TRIM11: variants seen among roughly 807,000 people sequenced by gnomAD.
TRIM11 encodes the protein E3 ubiquitin-protein ligase TRIM11.
TRIM11 carries 15 observed loss-of-function variants against 33.4 expected under a neutral mutation model. The observed-to-expected ratio is 0.45, with a 90% CI of 0.30 to 0.69. The LOEUF is 0.69. Among genes scored for constraint, TRIM11 ranks in the 30% least tolerant of loss-of-function variants. The pLI, the probability that TRIM11 is intolerant of heterozygous loss-of-function variation, is 0.08. For missense variants in TRIM11, 499 were observed against 667.6 expected (o/e 0.75, Z 2.78); for synonymous variants, 281 against 302.6 (o/e 0.93, Z 0.74).
At position 228,397,162 on chromosome 1, in the gene TRIM11, T is replaced by G; in HGVS notation, c.739A>C (p.Ile247Leu). Residue 247 changes from isoleucine to leucine, a missense_variant, in exon 4 of 6, where the codon ATC (isoleucine) becomes CTC (leucine). By Grantham distance (5) the Ile-to-Leu change is conservative. Coordinates refer to ENST00000284551, the MANE Select transcript of TRIM11 (RefSeq NM_145214.3). ...TCGTACCTGCGCAGGGCGTCCTTGA[T>G]GTCCTATGTGGGGAGGAGAAACAGC... ...QLPALGLLQD[I>L]KDALRRVQDV... 11 of 1,613,264 alleles carry G rather than the reference T, an allele frequency of 6.8e-6. No individual in the cohort carries two copies. Among genetic ancestry groups the G allele is most frequent in the Non-Finnish European group, 9.3e-6 (11 of 1,179,568 alleles).
At chr1:228,397,210 G>C in intron 3 of TRIM11, 45 bp from the exon 4 acceptor site, 10 of 1,599,246 alleles carry the variant, frequency 6.3e-6, no homozygotes, top group Non-Finnish European at 8.5e-6. Flanking sequence ...AGTGACCATC[G>C]CTTGCTCCTG....
rs1445376072 is a variant in TRIM11, at chr1:228,406,550, G to A, written c.12C>T (p.Pro4=). The change falls in exon 1 of 6, where the codon CCC becomes CCT. Residue 4 remains proline, a synonymous_variant. Coordinates refer to ENST00000284551, the MANE Select transcript of TRIM11 (RefSeq NM_145214.3). This position sits in a 1 kb window ranked among gnomAD's most constrained non-coding sequence, Gnocchi z 8.2. ...CCTCCTGGAGGTTGGTGGACAGGTC[G>A]GGGGCGGCCATGGCGCGGACAGAGG... MAA[P]DLSTNLQEEA... is the part of the protein sequence containing the mutation. 2.0e-6 allele frequency: 3 copies of A among 1,537,392 alleles called. No homozygotes were observed. The highest frequency in any genetic ancestry group is 1.8e-6 in the Non-Finnish European group (2 of 1,138,954).
rs1362434675 is a variant in TRIM11, at chr1:228,394,215, T to C, written c.*490A>G. The C allele has an allele frequency of 6.4e-6, 1 of 157,396 alleles. No homozygotes were observed. The highest frequency in any genetic ancestry group is 1.4e-5 in the Non-Finnish European group (1 of 71,858). The allele number at this position is 157,396 out of a possible 1,614,324, so 9.7% of individuals were successfully genotyped here. ...CTTCCAGAGCAGCCACACCCAGGACTGTGACGGGCTCTCACCCACTGTGGG... is the reference window on the plus strand; with the variant it reads ...CTTCCAGAGCAGCCACACCCAGGACCGTGACGGGCTCTCACCCACTGTGGG... On this transcript the variant is annotated 3_prime_UTR_variant, in exon 6 of 6. Coordinates refer to ENST00000284551, the MANE Select transcript of TRIM11 (RefSeq NM_145214.3). The surrounding 1 kb of genome is among the most constrained non-coding windows in gnomAD (Gnocchi z 6.2).
intron 1 of TRIM11, chr1:228,404,346 T>C (rs1028783046): frequency 6.6e-6 from 1 of 152,320 alleles, no homozygotes; most frequent in Admixed American, 6.5e-5. Context: ...TCAGCTGTCA[T>C]GACCCCAGGT....
chr1:228,404,559 T>C (rs1656337674), intron 1 of TRIM11: 1 of 152,218 alleles, frequency 6.6e-6, no homozygotes, highest in Admixed American at 6.5e-5. Context: ...GTACAAGAAT[T>C]ATTCTGAGTA....
chr1:228,406,617 T>C lies in TRIM11; in HGVS notation c.-56A>G. ...GTCCGCGGGGCGGCGGCGGGCGGCC[T>C]CGGCAGCTCGCGGGGACGCGGGGTA... On this transcript the variant is annotated 5_prime_UTR_variant, in exon 1 of 6. Transcript: ENST00000284551. The surrounding 1 kb of genome is among the most constrained non-coding windows in gnomAD (Gnocchi z 8.2). 3.7e-6 allele frequency: 5 copies of C among 1,369,448 alleles called. No homozygotes were observed. The highest frequency in any genetic ancestry group is 4.7e-6 in the Non-Finnish European group (5 of 1,062,154). The allele number at this position is 1,369,448 out of a possible 1,614,324, so 84.8% of individuals were successfully genotyped here.
rs2074975634 is a variant in TRIM11, at chr1:228,395,389, C to T, written c.860-137G>A. Reference sequence around the variant, plus strand: ...TGCCCTGGGCCTGTAGCCTCACAACCTCCTGGAGTAACTAACTGTCTCCAA... The same window carrying T: ...TGCCCTGGGCCTGTAGCCTCACAACTTCCTGGAGTAACTAACTGTCTCCAA... On this transcript the variant is annotated intron_variant, in intron 5 of 5. Coordinates refer to ENST00000284551, the MANE Select transcript of TRIM11 (RefSeq NM_145214.3). This position sits in a 1 kb window ranked among gnomAD's most constrained non-coding sequence, Gnocchi z 4.8. 1 of 851,168 alleles carries T rather than the reference C, an allele frequency of 1.2e-6. No homozygotes were observed. Among genetic ancestry groups the T allele is most frequent in the East Asian group, 3.1e-5 (1 of 31,860 alleles). The allele number at this position is 851,168 out of a possible 1,614,324, so 52.7% of individuals were successfully genotyped here.
chr1:228,395,039 A>G lies in TRIM11; in HGVS notation c.1073T>C (p.Val358Ala). ...CTTCCTGTTCACGTTCTCCCTGCACACCCCCAGGGCCCAGCTGGTGCGGTC... is the reference window on the plus strand; with the variant it reads ...CTTCCTGTTCACGTTCTCCCTGCACGCCCCCAGGGCCCAGCTGGTGCGGTC... ...VGDRTSWALG[V>A]CRENVNRKEK... The change falls in exon 6 of 6, where the codon GTG (valine) becomes GCG (alanine). Residue 358 changes from valine (V) to alanine (A), a missense_variant. Physicochemically the swap from Val to Ala is moderately conservative, Grantham distance 64. Coordinates refer to ENST00000284551, the MANE Select transcript of TRIM11 (RefSeq NM_145214.3). This position sits in a 1 kb window ranked among gnomAD's most constrained non-coding sequence, Gnocchi z 4.8. The G allele has an allele frequency of 6.2e-7, 1 of 1,613,296 alleles. No individual in the cohort carries two copies.
intron 3 of TRIM11, among the ~76,000 whole-genome samples, chr1:228,398,322 GACA>G (rs1454078797): frequency 2.6e-5 from 4 of 152,112 alleles, no homozygotes; most frequent in Non-Finnish European, 5.9e-5. Flanking sequence ...TGTCTAGGGG[GACA>G]ACAACACACT....
At position 228,401,954 on chromosome 1, in the gene TRIM11, C is replaced by T; in HGVS notation, c.504+112G>A. On this transcript the variant is annotated intron_variant, in intron 2 of 5. Transcript: ENST00000284551. The surrounding 1 kb of genome is among the most constrained non-coding windows in gnomAD (Gnocchi z 6.1). ...GGGCCAGGCTGAAGCAGTGACTGGT[C>T]CTGGGGCGCCAAGGGCAAGTGTGCC... 1 of 766,224 alleles carries T rather than the reference C, an allele frequency of 1.3e-6. No homozygotes were observed. Among genetic ancestry groups the T allele is most frequent in the Non-Finnish European group, 2.0e-6 (1 of 501,610 alleles). The allele number at this position is 766,224 out of a possible 1,614,324, so 47.5% of individuals were successfully genotyped here.
rs1366496707 is a variant in TRIM11 at position 228,401,833 on chromosome 1, C to T, written c.504+233G>A. On this transcript the variant is annotated intron_variant, in intron 2 of 5. Coordinates refer to ENST00000284551, the MANE Select transcript of TRIM11 (RefSeq NM_145214.3). The surrounding 1 kb of genome is among the most constrained non-coding windows in gnomAD (Gnocchi z 6.1). ...GAGTTGCCACCCAAGCATGCTGGGACCCCAGGATGGGGCCCTTGCAGTATG... is the reference window on the plus strand; with the variant it reads ...GAGTTGCCACCCAAGCATGCTGGGATCCCAGGATGGGGCCCTTGCAGTATG... 6.6e-6 allele frequency among the ~76,000 whole-genome samples: 1 copy of T among 152,152 alleles called. No homozygotes were observed. The highest frequency in any genetic ancestry group is 1.9e-4 in the East Asian group (1 of 5,194).
rs1421473191 is a variant in TRIM11 at position 228,394,864 on chromosome 1, A to C, written c.1248T>G (p.Ser416=). 4 of 1,613,972 alleles carry C rather than the reference A, an allele frequency of 2.5e-6. No individual in the cohort carries two copies. In the African/African-American group the frequency reaches 5.3e-5, roughly 22 times the overall value. ...GTGACCCATCGGTGGCACTGTAGAAAGAGAGATGTCCAGCCTCGTAGTCCA... is the reference window on the plus strand; with the variant it reads ...GTGACCCATCGGTGGCACTGTAGAACGAGAGATGTCCAGCCTCGTAGTCCA... The part of the protein sequence containing the change: ...IFLDYEAGHL[S]FYSATDGSLL... Residue 416 remains serine, a synonymous_variant, in exon 6 of 6, where the codon TCT becomes TCG. Transcript: ENST00000284551. This position sits in a 1 kb window ranked among gnomAD's most constrained non-coding sequence, Gnocchi z 6.2.
In TRIM11 at chr1:228,406,051, G is replaced by A. The variant is rs1239985402; in HGVS notation, c.408+103C>T. On this transcript the variant is annotated intron_variant, in intron 1 of 5. Coordinates refer to ENST00000284551, the MANE Select transcript of TRIM11 (RefSeq NM_145214.3). The surrounding 1 kb of genome is among the most constrained non-coding windows in gnomAD (Gnocchi z 8.2). ...TCCTGAGCTCCCCGCCCTAGACAGA[G>A]ACAGATTACTCCCGGAGCAGTCCCC... The A allele has an allele frequency of 1.6e-6, 2 of 1,259,132 alleles. No homozygotes were observed. Among genetic ancestry groups the A allele is most frequent in the Non-Finnish European group, 1.0e-6 (1 of 983,772 alleles). 78.0% of individuals were successfully genotyped at this position (1,259,132 alleles called of 1,614,324 possible). A position where few individuals can be genotyped will look rare whatever the true frequency, so the allele number is the denominator to read the frequency against.
chr1:228,405,974 C>G (rs1356493331), intron 1 of TRIM11, 180 bp downstream of exon 1: 5 of 644,656 alleles, frequency 7.8e-6, no homozygotes. Context: ...TGTCATGAGC[C>G]CCCACAGCCA....
chr1:228,395,459 A>C lies in TRIM11; in HGVS notation c.860-207T>G. 1 of 429,274 alleles carries C rather than the reference A, an allele frequency of 2.3e-6. No individual in the cohort carries two copies. The allele number at this position is 429,274 out of a possible 1,614,324, so 26.6% of individuals were successfully genotyped here. On this transcript the variant is annotated intron_variant, in intron 5 of 5. Coordinates refer to ENST00000284551, the MANE Select transcript of TRIM11 (RefSeq NM_145214.3). This position sits in a 1 kb window ranked among gnomAD's most constrained non-coding sequence, Gnocchi z 4.8. Reference sequence around the variant, plus strand: ...TTAGCTACGTCCAGTTGCAACTTACAATGTCCTACAAATTGGTCCATGTTT... The same window carrying C: ...TTAGCTACGTCCAGTTGCAACTTACCATGTCCTACAAATTGGTCCATGTTT...
rs768762292 is a variant in TRIM11 at position 228,406,181 on chromosome 1, C to A, written c.381G>T (p.Pro127=). 9.1e-6 allele frequency: 13 copies of A among 1,426,772 alleles called. No individual in the cohort carries two copies. The highest frequency in any genetic ancestry group is 5.9e-5 in the East Asian group (2 of 34,030). The allele number at this position is 1,426,772 out of a possible 1,614,324, so 88.4% of individuals were successfully genotyped here. Residue 127 remains proline (P), a synonymous_variant, in exon 1 of 6, where the codon CCG becomes CCT. Coordinates refer to ENST00000284551, the MANE Select transcript of TRIM11 (RefSeq NM_145214.3). This position sits in a 1 kb window ranked among gnomAD's most constrained non-coding sequence, Gnocchi z 8.2. ...SGEHWAHRVR[P]LQDAAEDLKA... ...TGAGGTCTTCGGCCGCGTCCTGCAG[C>A]GGCCGCACGCGGTGCGCCCAGTGCT...
rs574676264 is a variant in TRIM11 at position 228,395,348 on chromosome 1, G to A, written c.860-96C>T. ...GCATGTAGGTACAATCCTCCCAGTCGGACGGCCTGGCTCTCTGCCCTGGGC... is the reference window on the plus strand; with the variant it reads ...GCATGTAGGTACAATCCTCCCAGTCAGACGGCCTGGCTCTCTGCCCTGGGC... On this transcript the variant is annotated intron_variant, in intron 5 of 5. Transcript: ENST00000284551. This position sits in a 1 kb window ranked among gnomAD's most constrained non-coding sequence, Gnocchi z 4.8. 2.7e-5 allele frequency: 35 copies of A among 1,311,260 alleles called. No individual in the cohort carries two copies. Among genetic ancestry groups the A allele is most frequent in the African/African-American group, 1.2e-4 (8 of 67,210 alleles). 81.2% of individuals were successfully genotyped at this position (1,311,260 alleles called of 1,614,324 possible).
At position 228,406,134 on chromosome 1, in the gene TRIM11, C is replaced by A; in HGVS notation, c.408+20G>T. ...CCCGGCTCCCCGACGCCCCTGCACG[C>A]CACCCCCGCCCAGGAGCACCTTGAG... On this transcript the variant is annotated intron_variant, in intron 1 of 5. Coordinates refer to ENST00000284551, the MANE Select transcript of TRIM11 (RefSeq NM_145214.3). This position sits in a 1 kb window ranked among gnomAD's most constrained non-coding sequence, Gnocchi z 8.2. 2 of 1,357,692 alleles carry A rather than the reference C, an allele frequency of 1.5e-6. No individual in the cohort carries two copies. The highest frequency in any genetic ancestry group is 1.8e-5 in the South Asian group (1 of 56,788). The allele number at this position is 1,357,692 out of a possible 1,614,324, so 84.1% of individuals were successfully genotyped here.
At position 228,394,511 on chromosome 1, in the gene TRIM11, C is replaced by G. The variant is rs552805125; in HGVS notation, c.*194G>C. 7.5e-5 allele frequency: 48 copies of G among 638,410 alleles called. No individual in the cohort carries two copies. In the African/African-American group the frequency reaches 8.1e-4, roughly 11 times the overall value. 39.5% of individuals were successfully genotyped at this position (638,410 alleles called of 1,614,324 possible). A position where few individuals can be genotyped will look rare whatever the true frequency, so the allele number is the denominator to read the frequency against. On this transcript the variant is annotated 3_prime_UTR_variant, in exon 6 of 6. Transcript: ENST00000284551. The surrounding 1 kb of genome is among the most constrained non-coding windows in gnomAD (Gnocchi z 6.2). Reference sequence around the variant, plus strand: ...GAGGGGTCTCCCAGGGAGGACGGAGCCTGCCCCACACTCTCCCACAGTTTC... The same window carrying G: ...GAGGGGTCTCCCAGGGAGGACGGAGGCTGCCCCACACTCTCCCACAGTTTC...
Sources: gnomAD v4.1 joint callset for allele counts (sites outside exome capture counted in the v4.1 genomes callset) on GRCh38, gnomAD v4.1.1 for gene constraint, Gnocchi (gnomAD v3.1) non-coding constraint, MANE v1.5 for transcripts, NCBI Gene and HGNC (gene_info 2026-07-23, HGNC 2026-07-21) for gene names.